Variants in ELF1 observed in about 807,000 individuals in gnomAD.
The protein encoded by ELF1 is E74 like ETS transcription factor 1, also known as ETS-related transcription factor Elf-1.
A neutral mutation model predicts 59.9 loss-of-function variants in ELF1; 24 were observed. The ratio of observed to expected loss-of-function variants is 0.40; its 90% CI spans 0.29 to 0.56. ELF1 has a LOEUF of 0.56. Ranked by LOEUF, ELF1 falls within the 20% of genes least tolerant of loss-of-function variation. The pLI, the probability that ELF1 is intolerant of heterozygous loss-of-function variation, is 0.44. For missense variants in ELF1, 627 were observed against 742.2 expected (o/e 0.84, Z 1.80); for synonymous variants, 248 against 266.2 (o/e 0.93, Z 0.67).
intron 8 of ELF1, among the ~76,000 whole-genome samples, chr13:40,936,215 TACC>T (rs959222731): frequency 1.2e-4 from 18 of 152,252 alleles, no homozygotes; most frequent in African/African-American, 4.3e-4. Context: ...TGTGCCGCCT[TACC>T]ATTACAACAG....
At chr13:40,998,843 TC>T (rs554032678) in intron 1 of ELF1, among the ~76,000 whole-genome samples, 64 of 152,250 alleles carry the variant, frequency 4.2e-4, no homozygotes, top group African/African-American at 1.5e-3. Flanking sequence ...GACCAGGAGT[TC>T]AAGACCAGCC....
chr13:40,944,019 T>G (rs927996224), intron 5 of ELF1, 94 bp from the exon 6 acceptor site: 104 of 1,214,016 alleles, frequency 8.6e-5, no homozygotes, highest in Non-Finnish European at 1.1e-4. Context: ...AAATTTCAAG[T>G]GCCAAATGTT....
At chr13:41,035,905 CT>C (rs537271056) in intron 1 of ELF1, among the ~76,000 whole-genome samples, 52 of 141,660 alleles carry the variant, frequency 3.7e-4, no homozygotes, top group South Asian at 9.0e-4. Flanking sequence ...TTCTTTTTTT[CT>C]TTTTTTTTTT....
At chr13:41,044,723 G>A (rs1352271672) in intron 1 of ELF1, among the ~76,000 whole-genome samples, 2 of 152,092 alleles carry the variant, frequency 1.3e-5, no homozygotes, top group Non-Finnish European at 2.9e-5. Context: ...TTTTTGCATC[G>A]ATGTTCATCA....
At chr13:41,020,660 G>T (rs1278480205), upstream of ELF1, among the ~76,000 whole-genome samples, 2 of 152,030 alleles carry the variant, frequency 1.3e-5, no homozygotes, top group Non-Finnish European at 2.9e-5. Flanking sequence ...AAGAAATATA[G>T]ACCATGTTTT....
At chr13:41,050,284 T>C (rs981001592) in intron 1 of ELF1, among the ~76,000 whole-genome samples, 2 of 152,180 alleles carry the variant, frequency 1.3e-5, no homozygotes, top group African/African-American at 4.8e-5. Context: ...GTGACTGGCT[T>C]ATTTCACTTA....
intron 1 of ELF1, among the ~76,000 whole-genome samples, chr13:41,036,367 T>TA (rs1219253946): frequency 6.6e-6 from 1 of 152,272 alleles, no homozygotes; most frequent in African/African-American, 2.4e-5. Context: ...CATGTTTTAC[T>TA]ATCATGACAA....
chr13:41,015,311 A>G (rs1232477133), intron 1 of ELF1, among the ~76,000 whole-genome samples: 1 of 152,098 alleles, frequency 6.6e-6, no homozygotes, highest in Non-Finnish European at 1.5e-5. Flanking sequence ...GGATAGCCAC[A>G]TAGTTGAACA....
intron 3 of ELF1, among the ~76,000 whole-genome samples, chr13:40,954,070 T>C (rs1036588003): frequency 6.6e-6 from 1 of 152,162 alleles, no homozygotes; most frequent in Non-Finnish European, 1.5e-5. Flanking sequence ...TGCATAGTGG[T>C]GTTTATTCTG....
intron 1 of ELF1, among the ~76,000 whole-genome samples, chr13:41,042,490 G>T (rs1030729183): frequency 6.6e-6 from 1 of 151,936 alleles, no homozygotes; most frequent in African/African-American, 2.4e-5. Flanking sequence ...CCCAGTGTGT[G>T]ATGTTTCCCT....
intron 1 of ELF1, among the ~76,000 whole-genome samples, chr13:41,025,374 C>T (rs946233627): frequency 6.6e-6 from 1 of 152,210 alleles, no homozygotes; most frequent in Non-Finnish European, 1.5e-5. Context: ...CTTACAATTA[C>T]TGTGAGAACT....
intron 1 of ELF1, chr13:40,982,940 G>T: frequency 1.1e-6 from 1 of 911,930 alleles, no homozygotes; most frequent in African/African-American, 1.8e-5. Flanking sequence ...GCAAGCAACA[G>T]GAAGGAAACA....
intron 3 of ELF1, among the ~76,000 whole-genome samples, chr13:40,955,420 T>C (rs1593359740): frequency 3.5e-5 from 4 of 112,798 alleles, no homozygotes; most frequent in Non-Finnish European, 5.6e-5. Context: ...GGGAAGGAGG[T>C]GGGGGGGTCA....
chr13:40,955,381 C>A (rs1254257353), intron 3 of ELF1, among the ~76,000 whole-genome samples: 1 of 139,982 alleles, frequency 7.1e-6, no homozygotes, highest in Non-Finnish European at 1.6e-5. Flanking sequence ...ATGGGGGGGT[C>A]ATCCCCCTGC....
upstream of ELF1, among the ~76,000 whole-genome samples, chr13:41,020,406 T>C (rs1875642988): frequency 6.6e-6 from 1 of 152,210 alleles, no homozygotes; most frequent in Non-Finnish European, 1.5e-5. Flanking sequence ...AAATAGGATT[T>C]AGCAAGGTTT....
intron 8 of ELF1, among the ~76,000 whole-genome samples, chr13:40,937,572 C>T (rs953924334): frequency 8.6e-5 from 13 of 152,042 alleles, no homozygotes; most frequent in African/African-American, 3.1e-4. Context: ...CAGGTTCAAG[C>T]GATTCTTCTG....
At chr13:41,037,380 C>T (rs1876424052) in intron 1 of ELF1, among the ~76,000 whole-genome samples, 2 of 152,188 alleles carry the variant, frequency 1.3e-5, no homozygotes, top group Non-Finnish European at 1.5e-5. Context: ...AAAATTACAA[C>T]TTGCCTGTGG....
chr13:41,060,147 C>G (rs1469590978), intron 1 of ELF1, among the ~76,000 whole-genome samples: 1 of 152,224 alleles, frequency 6.6e-6, no homozygotes, highest in Non-Finnish European at 1.5e-5. Context: ...CGAGCGCACA[C>G]GCGGCGGAAA....
At chr13:41,046,799 T>C (rs1462006362) in intron 1 of ELF1, among the ~76,000 whole-genome samples, 2 of 152,294 alleles carry the variant, frequency 1.3e-5, no homozygotes, top group African/African-American at 2.4e-5. Flanking sequence ...CTTTGTGGTG[T>C]TCTCTGTATT....
Sources: gnomAD v4.1 joint callset for allele counts (sites outside exome capture counted in the v4.1 genomes callset) on GRCh38, gnomAD v4.1.1 for gene constraint, MANE v1.5 for transcripts, NCBI Gene and HGNC (gene_info 2026-07-23, HGNC 2026-07-21) for gene names.